Variants in NFE2L2 observed in about 807,000 individuals in gnomAD.
NFE2L2 encodes nuclear factor erythroid 2-related factor 2.
In NFE2L2, 20 loss-of-function variants were observed where a neutral mutation model predicts 49.6. The ratio of observed to expected loss-of-function variants is 0.40; its 90% CI spans 0.28 to 0.59. NFE2L2 has a LOEUF of 0.59. NFE2L2 is among the 20% of genes least tolerant of loss of function. The pLI is 0.40. For missense variants in NFE2L2, 578 were observed against 714.2 expected (o/e 0.81, Z 2.17); for synonymous variants, 244 against 256.5 (o/e 0.95, Z 0.47).
intron 1 of NFE2L2, among the ~76,000 whole-genome samples, chr2:177,259,924 T>G (rs1690668956): frequency 6.6e-6 from 1 of 151,928 alleles, no homozygotes; most frequent in African/African-American, 2.4e-5. Context: ...AGAGCAAGAC[T>G]GCGTCTCAAA....
intron 1 of NFE2L2, among the ~76,000 whole-genome samples, chr2:177,251,562 A>C (rs1690339709): frequency 6.6e-6 from 1 of 152,226 alleles, no homozygotes; most frequent in South Asian, 2.1e-4. Context: ...ATTCTAGGGC[A>C]CACACCAGGC....
intron 1 of NFE2L2, among the ~76,000 whole-genome samples, chr2:177,240,769 A>G (rs1330224338): frequency 6.6e-6 from 1 of 152,246 alleles, no homozygotes; most frequent in Non-Finnish European, 1.5e-5. Context: ...CACAGAATCC[A>G]TATTAAATAT....
intron 1 of NFE2L2, among the ~76,000 whole-genome samples, chr2:177,248,987 T>C (rs996680683): frequency 6.6e-6 from 1 of 151,442 alleles, no homozygotes; most frequent in Admixed American, 6.6e-5. Context: ...GGGACCAAGG[T>C]AGGAGGACCA....
intron 1 of NFE2L2, among the ~76,000 whole-genome samples, chr2:177,258,447 A>G (rs545893056): frequency 6.6e-6 from 1 of 152,260 alleles, no homozygotes; most frequent in Non-Finnish European, 1.5e-5. Context: ...AGGAGAGTTG[A>G]GGGGAAATGG....
At chr2:177,248,280 A>G (rs1690206912) in intron 1 of NFE2L2, among the ~76,000 whole-genome samples, 1 of 152,252 alleles carries the variant, frequency 6.6e-6, no homozygotes, top group South Asian at 2.1e-4. Flanking sequence ...TCACTTAAAA[A>G]TTCATTAAAT....
At chr2:177,236,393 A>G (rs991604682) in intron 1 of NFE2L2, among the ~76,000 whole-genome samples, 1 of 152,240 alleles carries the variant, frequency 6.6e-6, no homozygotes, top group African/African-American at 2.4e-5. Context: ...CAAAGTAGGC[A>G]TAGTTAAAGT....
chr2:177,254,315 G>A (rs373071873), intron 1 of NFE2L2, among the ~76,000 whole-genome samples: 1 of 152,140 alleles, frequency 6.6e-6, no homozygotes, highest in Non-Finnish European at 1.5e-5. Flanking sequence ...TATATTCGAT[G>A]ACCTCTGTCC....
intron 1 of NFE2L2, among the ~76,000 whole-genome samples, chr2:177,240,749 A>T (rs1035416186): frequency 5.3e-5 from 8 of 152,216 alleles, no homozygotes; most frequent in African/African-American, 1.9e-4. Context: ...CAAAGAAGAA[A>T]GGACTTGAAC....
rs1349686162 is a variant in NFE2L2, at chr2:177,231,003, C to T, written c.1600G>A (p.Asp534Asn). Residue 534 changes from aspartate (D) to asparagine (N), a missense_variant, in exon 5 of 5, where the codon GAT becomes AAT. Around this residue, in one of 3 missense-constraint regions of NFE2L2, gnomAD observed 117 missense variants for 175.8 expected, o/e 0.67. Transcript: ENST00000397062. ...TCTTTGAGCAATTTTTCTTTTTCAT[C>T]TTTCAAATGATCTAAATCTTGCTCT... ...ELEQDLDHLK[D>N]EKEKLLKEKG... The T allele has an allele frequency of 6.2e-7, 1 of 1,609,206 alleles. No individual in the cohort carries two copies.
At chr2:177,242,705 G>A (rs933426046) in intron 1 of NFE2L2, among the ~76,000 whole-genome samples, 1 of 152,126 alleles carries the variant, frequency 6.6e-6, no homozygotes, top group Non-Finnish European at 1.5e-5. Flanking sequence ...ATGATGCAAA[G>A]ATAAAGCAAA....
intron 1 of NFE2L2, 183 bp downstream of exon 1, chr2:177,264,349 G>GTCCCCGCTGCCCC (rs1403572513): frequency 1.8e-6 from 1 of 548,366 alleles, no homozygotes; most frequent in African/African-American, 2.0e-5. Flanking sequence ...ACCCGGCCGC[G>GTCCCCGCTGCCCC]TCCCCGCTGC....
chr2:177,263,121 G>A (rs1052514806), intron 1 of NFE2L2, among the ~76,000 whole-genome samples: 1 of 152,142 alleles, frequency 6.6e-6, no homozygotes, highest in African/African-American at 2.4e-5. Flanking sequence ...TACAAAAGAA[G>A]TTAGAAATAT....
Position 177,231,276 on chromosome 2 carries a change from T to C in NFE2L2, c.1327A>G (p.Lys443Glu). The C allele has an allele frequency of 1.9e-6, 3 of 1,614,240 alleles. No homozygotes were observed. The highest frequency in any genetic ancestry group is 2.2e-5 in the East Asian group (1 of 44,894). ...SPGHRKTPFTKDKHSSRLEAH... is the reference protein window; with the variant it reads ...SPGHRKTPFTEDKHSSRLEAH... ...TCCAAGCGGCTTGAATGTTTGTCTTTTGTGAATGGGGTTTTCCGATGACCA... is the reference window on the plus strand; with the variant it reads ...TCCAAGCGGCTTGAATGTTTGTCTTCTGTGAATGGGGTTTTCCGATGACCA... The change falls in exon 5 of 5, where the codon AAA (lysine) becomes GAA (glutamate). Residue 443 changes from lysine to glutamate, a missense_variant. Lys to Glu is a moderately conservative substitution (Grantham distance 56, BLOSUM62 1). Transcript: ENST00000397062.
At chr2:177,238,469 T>C (rs887735714) in intron 1 of NFE2L2, among the ~76,000 whole-genome samples, 1 of 152,252 alleles carries the variant, frequency 6.6e-6, no homozygotes, top group African/African-American at 2.4e-5. Flanking sequence ...GCTTTAGCTA[T>C]ACATTGTTTA....
chr2:177,251,713 C>T (rs971965207), intron 1 of NFE2L2, among the ~76,000 whole-genome samples: 1 of 152,062 alleles, frequency 6.6e-6, no homozygotes, highest in Non-Finnish European at 1.5e-5. Flanking sequence ...CACTGGAACT[C>T]GAGGGATTTT....
intron 1 of NFE2L2, among the ~76,000 whole-genome samples, chr2:177,238,502 T>C (rs1289707007): frequency 1.3e-5 from 2 of 152,218 alleles, no homozygotes; most frequent in African/African-American, 4.8e-5. Flanking sequence ...TACCCAAGCA[T>C]ACAGATGTTA....
At chr2:177,237,700 G>A (rs1350414792) in intron 1 of NFE2L2, among the ~76,000 whole-genome samples, 1 of 152,004 alleles carries the variant, frequency 6.6e-6, no homozygotes, top group Non-Finnish European at 1.5e-5. Flanking sequence ...TCTATTTTTA[G>A]TAGAGACAGG....
intron 1 of NFE2L2, among the ~76,000 whole-genome samples, chr2:177,257,786 CG>C (rs964503632): frequency 1.7e-4 from 26 of 152,170 alleles, no homozygotes; most frequent in African/African-American, 5.8e-4. Flanking sequence ...TCAGAGAAGC[CG>C]GAACCCTGTT....
intron 1 of NFE2L2, among the ~76,000 whole-genome samples, chr2:177,237,514 C>T (rs1014487416): frequency 6.6e-6 from 1 of 151,872 alleles, no homozygotes; most frequent in Non-Finnish European, 1.5e-5. Context: ...TATAGAGAAA[C>T]CTACTTTATT....
Sources: allele counts gnomAD v4.1 joint callset (sites outside exome capture counted in the v4.1 genomes callset), GRCh38; gene constraint gnomAD v4.1.1; regional missense constraint gnomAD v4.1.1; transcripts MANE v1.5; gene names NCBI Gene and HGNC (gene_info 2026-07-23, HGNC 2026-07-21).